The following GRM7 variants were observed in gnomAD, a reference collection of about 807,000 sequenced individuals.
GRM7 encodes the protein metabotropic glutamate receptor 7.
Under a neutral mutation model 84.5 loss-of-function variants are expected in GRM7, and 35 were observed. The ratio of observed to expected loss-of-function variants is 0.41; its 90% CI spans 0.32 to 0.55. GRM7 has a LOEUF of 0.55. GRM7 is among the 20% of genes least tolerant of loss of function. The pLI is 0.19. For synonymous variants in GRM7, 487 were observed against 455.1 expected (o/e 1.07, Z -0.89); for missense variants, 1,003 against 1,194.6 (o/e 0.84, Z 2.36).
intron 1 of GRM7, among the ~76,000 whole-genome samples, chr3:6,937,816 G>A (rs977562625): frequency 8.5e-5 from 13 of 152,256 alleles, no homozygotes; most frequent in African/African-American, 2.6e-4. Flanking sequence ...AAACAGGCAC[G>A]TGGCAAGCTT....
At chr3:7,109,842 C>T (rs1037625347) in intron 1 of GRM7, among the ~76,000 whole-genome samples, 2 of 151,966 alleles carry the variant, frequency 1.3e-5, no homozygotes, top group African/African-American at 2.4e-5. Context: ...CCATTATATC[C>T]ATTGTTGTGG....
At chr3:7,458,621 T>C (rs770283844) in intron 6 of GRM7, among the ~76,000 whole-genome samples, 7 of 152,140 alleles carry the variant, frequency 4.6e-5, no homozygotes, top group Non-Finnish European at 1.0e-4. Flanking sequence ...GACAAGACCG[T>C]TTCTTCTAAC....
At chr3:7,322,600 CTA>C (rs1274281274) in intron 4 of GRM7, among the ~76,000 whole-genome samples, 1 of 151,714 alleles carries the variant, frequency 6.6e-6, no homozygotes, top group Non-Finnish European at 1.5e-5. Context: ...TAAATCATTC[CTA>C]TGTCTTTGTG....
chr3:7,334,236 C>T (rs1701316160), intron 4 of GRM7, among the ~76,000 whole-genome samples: 1 of 152,026 alleles, frequency 6.6e-6, no homozygotes, highest in Non-Finnish European at 1.5e-5. Flanking sequence ...GAAAACCTAT[C>T]AGATTAACAG....
At chr3:7,622,777 G>A (rs1331007947) in intron 8 of GRM7, among the ~76,000 whole-genome samples, 1 of 152,054 alleles carries the variant, frequency 6.6e-6, no homozygotes, top group Non-Finnish European at 1.5e-5. Context: ...TTAGAAGAGG[G>A]ATGTAAAGTG....
intron 4 of GRM7, among the ~76,000 whole-genome samples, chr3:7,336,239 A>G (rs906711719): frequency 2.0e-5 from 3 of 152,092 alleles, no homozygotes; most frequent in African/African-American, 7.2e-5. Flanking sequence ...TTGGTTTAAC[A>G]TACGCAAGTC....
intron 8 of GRM7, among the ~76,000 whole-genome samples, chr3:7,652,076 G>A (rs2125115146): frequency 6.6e-6 from 1 of 152,310 alleles, no homozygotes; most frequent in African/African-American, 2.4e-5. Flanking sequence ...ATTTACCTGA[G>A]CAAACCATGC....
At chr3:7,385,801 A>G (rs547228874) in intron 4 of GRM7, among the ~76,000 whole-genome samples, 1 of 152,366 alleles carries the variant, frequency 6.6e-6, no homozygotes, top group African/African-American at 2.4e-5. Flanking sequence ...GGCAGAAGCC[A>G]AATATTAACA....
chr3:6,919,406 C>A (rs1213257886), intron 1 of GRM7, among the ~76,000 whole-genome samples: 1 of 147,892 alleles, frequency 6.8e-6, no homozygotes, highest in Non-Finnish European at 1.5e-5. Flanking sequence ...GGGGTTTCCA[C>A]CATGTTGGCC....
At chr3:7,252,351 C>A (rs1698022583) in intron 2 of GRM7, among the ~76,000 whole-genome samples, 1 of 152,158 alleles carries the variant, frequency 6.6e-6, no homozygotes, top group Non-Finnish European at 1.5e-5. Context: ...GATGCAGAGC[C>A]CCAAAACTTC....
intron 2 of GRM7, among the ~76,000 whole-genome samples, chr3:7,288,358 C>T (rs1699503125): frequency 6.6e-6 from 1 of 152,060 alleles, no homozygotes; most frequent in Non-Finnish European, 1.5e-5. Context: ...GTTTTATTGA[C>T]TCATTGATAG....
chr3:6,896,611 A>G (rs551561860), intron 1 of GRM7, among the ~76,000 whole-genome samples: 3 of 152,298 alleles, frequency 2.0e-5, no homozygotes, highest in South Asian at 4.1e-4. Flanking sequence ...GAGATGTTCA[A>G]TAAGTGGTAG....
At chr3:6,867,200 C>A (rs1226735989) in intron 1 of GRM7, among the ~76,000 whole-genome samples, 3 of 152,176 alleles carry the variant, frequency 2.0e-5, no homozygotes, top group Non-Finnish European at 1.5e-5. Flanking sequence ...AGCATTATAG[C>A]AAAAGCAGCT....
At chr3:6,969,971 C>G (rs1300720587) in intron 1 of GRM7, among the ~76,000 whole-genome samples, 2 of 152,176 alleles carry the variant, frequency 1.3e-5, no homozygotes, top group African/African-American at 4.8e-5. Context: ...TTTCCTAAGA[C>G]CTAGAGGCAA....
intron 3 of GRM7, among the ~76,000 whole-genome samples, chr3:7,301,410 C>T (rs1699996016): frequency 6.6e-6 from 1 of 151,936 alleles, no homozygotes; most frequent in Non-Finnish European, 1.5e-5. Context: ...CTGCTAATAC[C>T]CTTCTTATTC....
At chr3:7,032,160 AC>A (rs1164166646) in intron 1 of GRM7, among the ~76,000 whole-genome samples, 12 of 152,212 alleles carry the variant, frequency 7.9e-5, no homozygotes, top group African/African-American at 2.7e-4. Context: ...ATGCTCTTAT[AC>A]TTTAAGTGAT....
chr3:7,459,972 A>G (rs906167795), intron 6 of GRM7, among the ~76,000 whole-genome samples: 34 of 152,050 alleles, frequency 2.2e-4, no homozygotes, highest in African/African-American at 8.2e-4. Flanking sequence ...CTGCCTTCAA[A>G]TACATAGATC....
intron 1 of GRM7, among the ~76,000 whole-genome samples, chr3:6,934,291 T>C (rs921865416): frequency 3.9e-5 from 6 of 152,144 alleles, no homozygotes; most frequent in Non-Finnish European, 7.4e-5. Context: ...CAGTGGTATT[T>C]TCTATTTATT....
At chr3:7,593,438 T>C (rs1053443566) in intron 8 of GRM7, among the ~76,000 whole-genome samples, 1 of 152,196 alleles carries the variant, frequency 6.6e-6, no homozygotes, top group African/African-American at 2.4e-5. Context: ...AATCACATTC[T>C]ATTGAAAAGT....
Sources: gnomAD v4.1 joint callset for allele counts (sites outside exome capture counted in the v4.1 genomes callset) on GRCh38, gnomAD v4.1.1 for gene constraint, MANE v1.5 for transcripts, NCBI Gene and HGNC (gene_info 2026-07-23, HGNC 2026-07-21) for gene names.